Variants in KCNMA1 observed in about 807,000 individuals in gnomAD.
The protein encoded by KCNMA1 is potassium calcium-activated channel subfamily M alpha 1.
A neutral mutation model predicts 140.0 loss-of-function variants in KCNMA1; 29 were observed. The ratio of observed to expected loss-of-function variants is 0.21; its 90% confidence interval spans 0.15 to 0.28. The LOEUF (loss-of-function observed/expected upper bound fraction) is 0.28. Among genes scored for constraint, KCNMA1 ranks in the 10% least tolerant of loss-of-function variants. The pLI is 1.00. For missense variants in KCNMA1, 880 were observed against 1,602.2 expected (o/e 0.55, Z 7.70); for synonymous variants, 612 against 611.9 (o/e 1.00, Z 0.00).
chr10:77,126,200 T>A (rs568581141), intron 5 of KCNMA1, among the ~76,000 whole-genome samples: 20 of 152,092 alleles, frequency 1.3e-4, no homozygotes, highest in Admixed American at 1.2e-3. Context: ...TATAATAGAG[T>A]TGTGAAGAAG....
At chr10:77,214,851 C>T (rs1565263987) in intron 3 of KCNMA1, among the ~76,000 whole-genome samples, 1 of 152,096 alleles carries the variant, frequency 6.6e-6, no homozygotes, top group Non-Finnish European at 1.5e-5. Context: ...TTTACTCACC[C>T]TCTAAATGTT....
At chr10:77,427,707 GCATC>G (rs759150899) in intron 1 of KCNMA1, among the ~76,000 whole-genome samples, 48 of 77,360 alleles carry the variant, frequency 6.2e-4, no homozygotes, top group Admixed American at 4.6e-3. Flanking sequence ...CCAATCCTGA[GCATC>G]CATCCATTCA....
At chr10:77,434,381 G>A (rs934082655) in intron 1 of KCNMA1, among the ~76,000 whole-genome samples, 19 of 152,116 alleles carry the variant, frequency 1.2e-4, no homozygotes, top group African/African-American at 3.9e-4. Flanking sequence ...AGCTGCTGGC[G>A]GTCAGAACAG....
At chr10:77,611,316 G>T (rs915296446) in intron 1 of KCNMA1, among the ~76,000 whole-genome samples, 4 of 152,240 alleles carry the variant, frequency 2.6e-5, no homozygotes, top group African/African-American at 9.6e-5. Context: ...ATCAGCATGT[G>T]CCCTCCAGAG....
chr10:77,031,669 T>C (rs2093949986), intron 15 of KCNMA1, among the ~76,000 whole-genome samples: 1 of 152,120 alleles, frequency 6.6e-6, no homozygotes, highest in South Asian at 2.1e-4. Context: ...GACTGCATCC[T>C]GTTGCAGAGA....
chr10:77,203,642 C>T (rs914343410), intron 3 of KCNMA1, among the ~76,000 whole-genome samples: 3 of 151,868 alleles, frequency 2.0e-5, no homozygotes, highest in Non-Finnish European at 4.4e-5. Flanking sequence ...GCAAAATAGG[C>T]CCTCAATACA....
At chr10:77,370,481 G>A (rs993231745) in intron 2 of KCNMA1, among the ~76,000 whole-genome samples, 7 of 152,058 alleles carry the variant, frequency 4.6e-5, no homozygotes, top group African/African-American at 1.4e-4. Context: ...CACCCCTGCC[G>A]CTGCCTGTTT....
intron 3 of KCNMA1, among the ~76,000 whole-genome samples, chr10:77,210,230 C>G (rs988755482): frequency 2.6e-5 from 4 of 152,184 alleles, no homozygotes; most frequent in Non-Finnish European, 5.9e-5. Context: ...ACCAAGTAGG[C>G]TTTATCCCTG....
chr10:76,884,569 C>A, downstream of KCNMA1: 1 of 160,700 alleles, frequency 6.2e-6, no homozygotes, highest in Non-Finnish European at 1.4e-5. Flanking sequence ...AAAATGCTTT[C>A]GGACTTGGAG....
intron 19 of KCNMA1, among the ~76,000 whole-genome samples, chr10:76,979,167 G>A (rs1035927521): frequency 6.6e-6 from 1 of 152,158 alleles, no homozygotes; most frequent in Admixed American, 6.5e-5. Context: ...TATTTCTTTT[G>A]ATCACTTCAT....
chr10:77,014,920 C>G (rs923589058), intron 17 of KCNMA1, among the ~76,000 whole-genome samples: 1 of 152,188 alleles, frequency 6.6e-6, no homozygotes. Context: ...ACCTGAGCAA[C>G]GGAGTTTCGC....
At chr10:77,398,160 G>A (rs1049336059) in intron 2 of KCNMA1, among the ~76,000 whole-genome samples, 4 of 151,686 alleles carry the variant, frequency 2.6e-5, no homozygotes, top group Admixed American at 6.6e-5. Flanking sequence ...GTAGTGTTGT[G>A]ATAAACATAG....
intron 17 of KCNMA1, 200 bp from the exon 18 acceptor site, chr10:77,012,243 G>T: frequency 1.4e-6 from 2 of 1,466,686 alleles, no homozygotes; most frequent in Non-Finnish European, 1.8e-6. Context: ...TCTGTGATTT[G>T]AGTTAGTGCT....
intron 23 of KCNMA1, among the ~76,000 whole-genome samples, chr10:76,940,979 AAGAG>A (rs141956247): frequency 1.8e-4 from 24 of 130,424 alleles, no homozygotes; most frequent in South Asian, 5.0e-4. Flanking sequence ...GAAAGAAAGA[AAGAG>A]AGAAAGAGAG....
At chr10:77,374,414 A>T (rs367575538) in intron 2 of KCNMA1, among the ~76,000 whole-genome samples, 1 of 152,348 alleles carries the variant, frequency 6.6e-6, no homozygotes, top group East Asian at 1.9e-4. Flanking sequence ...CACACAAAAA[A>T]ACTATTGGGG....
intron 2 of KCNMA1, among the ~76,000 whole-genome samples, chr10:77,293,735 C>T (rs956476390): frequency 2.6e-5 from 4 of 152,228 alleles, no homozygotes; most frequent in African/African-American, 9.6e-5. Context: ...GCCCCTTTCT[C>T]ATGTCCTCAA....
chr10:76,923,860 C>G (rs2152551210), intron 23 of KCNMA1, among the ~76,000 whole-genome samples: 1 of 152,108 alleles, frequency 6.6e-6, no homozygotes, highest in Admixed American at 6.6e-5. Flanking sequence ...AAAAAATTAG[C>G]TGGGCATGGT....
At chr10:77,579,786 G>A (rs1399865700) in intron 1 of KCNMA1, among the ~76,000 whole-genome samples, 1 of 152,158 alleles carries the variant, frequency 6.6e-6, no homozygotes. Context: ...GGTTTAGGTG[G>A]AAGACAGAAG....
chr10:77,118,951 G>A (rs184532266), intron 6 of KCNMA1, among the ~76,000 whole-genome samples: 2 of 152,320 alleles, frequency 1.3e-5, no homozygotes, highest in Admixed American at 1.3e-4. Context: ...TTGTGGGTTT[G>A]TGGCAAAAAG....
Sources: gnomAD v4.1 joint callset for allele counts (sites outside exome capture counted in the v4.1 genomes callset) on GRCh38, gnomAD v4.1.1 for gene constraint, MANE v1.5 for transcripts, NCBI Gene and HGNC (gene_info 2026-07-23, HGNC 2026-07-21) for gene names.